TNNI3K: variants seen among roughly 807,000 people sequenced by gnomAD.
The protein encoded by TNNI3K is serine/threonine-protein kinase TNNI3K.
A neutral mutation model predicts 114.5 loss-of-function variants in TNNI3K; 140 were observed. That is an observed-to-expected ratio of 1.22 (90% CI 1.07 to 1.41). The LOEUF (loss-of-function observed/expected upper bound fraction) is 1.41. Among genes scored for constraint, TNNI3K ranks in the 40% most tolerant of loss-of-function variants. The pLI, the probability that TNNI3K is intolerant of heterozygous loss-of-function variation, is 0.00. For missense variants in TNNI3K, 1,125 were observed against 1,007.6 expected (o/e 1.12, Z -1.58); for synonymous variants, 347 against 347.5 (o/e 1.00, Z 0.02).
intron 4 of TNNI3K, among the ~76,000 whole-genome samples, chr1:74,262,035 T>C (rs1262124898): frequency 6.6e-6 from 1 of 152,108 alleles, no homozygotes; most frequent in African/African-American, 2.4e-5. Flanking sequence ...GCCTGAATCA[T>C]TGTATTAATA....
chr1:74,499,172 C>A (rs890902154), intron 23 of TNNI3K, among the ~76,000 whole-genome samples: 4 of 152,160 alleles, frequency 2.6e-5, no homozygotes, highest in Admixed American at 2.6e-4. Flanking sequence ...CTTTACTTTT[C>A]CTGCAAATGG....
intron 7 of TNNI3K, among the ~76,000 whole-genome samples, chr1:74,339,138 C>T (rs1660627196): frequency 6.6e-6 from 1 of 152,122 alleles, no homozygotes; most frequent in Admixed American, 6.6e-5. Flanking sequence ...ATGTCTCTTT[C>T]AGTGCAAAAG....
chr1:74,474,159 A>G (rs1405263194), intron 21 of TNNI3K, among the ~76,000 whole-genome samples: 2 of 152,186 alleles, frequency 1.3e-5, no homozygotes, highest in African/African-American at 4.8e-5. Context: ...CATCCCCTTC[A>G]GTTATAGGAG....
At chr1:74,366,567 A>C (rs1662283472) in intron 11 of TNNI3K, 4 of 151,986 alleles carry the variant, frequency 2.6e-5, no homozygotes, top group Admixed American at 2.6e-4. Flanking sequence ...AAATGGGAAG[A>C]GTAGAGAAGG....
rs559528058 is a variant in TNNI3K, at chr1:74,533,192, C to G, written c.2352-7042C>G. ...CTGACAAAGGGCTAATATCCAGAATCTACAATGAACTCAAATTTACAAGAA... is the reference window on the plus strand; with the variant it reads ...CTGACAAAGGGCTAATATCCAGAATGTACAATGAACTCAAATTTACAAGAA... On this transcript the variant is annotated intron_variant, in intron 23 of 24. Coordinates refer to ENST00000326637, the MANE Select transcript of TNNI3K (RefSeq NM_015978.3). Among the ~76,000 whole-genome samples the G allele has an allele frequency of 7.2e-5, 11 of 152,284 alleles. No individual in the cohort carries two copies. In the South Asian group the frequency reaches 2.3e-3, roughly 32 times the overall value.
At chr1:74,430,268 A>T (rs916961503) in intron 17 of TNNI3K, among the ~76,000 whole-genome samples, 3 of 152,126 alleles carry the variant, frequency 2.0e-5, no homozygotes, top group Non-Finnish European at 2.9e-5. Context: ...CGAGCACTTT[A>T]GGTAAATTTT....
intron 11 of TNNI3K, among the ~76,000 whole-genome samples, chr1:74,357,254 A>G (rs955566578): frequency 6.6e-6 from 1 of 152,124 alleles, no homozygotes; most frequent in Non-Finnish European, 1.5e-5. Context: ...TTTACCATGT[A>G]CCCTATCCTA....
In TNNI3K at chr1:74,388,164, G is replaced by A. The variant is rs1435537210; in HGVS notation, c.1772+17772G>A. Among the ~76,000 whole-genome samples the A allele has an allele frequency of 1.6e-4, 24 of 152,062 alleles. 1 individual carries two copies. Among genetic ancestry groups the A allele is most frequent in the Admixed American group, 1.6e-3 (24 of 15,266 alleles). ...GTGGTGGCGCGTGCCTGTAGTCCCA[G>A]CTACTCAGGAGGCTGAGGCAGAAGA... On this transcript the variant is annotated intron_variant, in intron 17 of 24. Coordinates refer to ENST00000326637, the MANE Select transcript of TNNI3K (RefSeq NM_015978.3).
At chr1:74,419,063 G>A (rs76096304) in intron 17 of TNNI3K, among the ~76,000 whole-genome samples, 2,123 of 152,104 alleles carry the variant, frequency 0.014, 18 homozygotes, top group Non-Finnish European at 0.022. Context: ...AAAGTTGGTG[G>A]CTTAAAACAA....
At chr1:74,405,666 G>T (rs1268310170) in intron 17 of TNNI3K, among the ~76,000 whole-genome samples, 1 of 152,146 alleles carries the variant, frequency 6.6e-6, no homozygotes, top group African/African-American at 2.4e-5. Context: ...AAAGAGGCTA[G>T]TTAGATGGGG....
chr1:74,283,956 C>T (rs1034344426), intron 5 of TNNI3K, among the ~76,000 whole-genome samples: 3 of 152,140 alleles, frequency 2.0e-5, no homozygotes, highest in African/African-American at 7.2e-5. Context: ...GCACACCATA[C>T]TCCTTACAAG....
chr1:74,363,146 C>A (rs1527685), intron 11 of TNNI3K, among the ~76,000 whole-genome samples: 151,759 of 152,162 alleles, frequency 1, 75,680 homozygotes, highest in Non-Finnish European at 1. Context: ...TGGCTTAACA[C>A]GTCCATTTAG....
intron 17 of TNNI3K, among the ~76,000 whole-genome samples, chr1:74,419,840 A>ACACATCTCTG (rs952471395): frequency 6.6e-6 from 1 of 152,130 alleles, no homozygotes; most frequent in Non-Finnish European, 1.5e-5. Context: ...TGCATTAAAC[A>ACACATCTCTG]CACATCTCTG....
chr1:74,536,859 A>G (rs1646666326), intron 23 of TNNI3K, among the ~76,000 whole-genome samples: 1 of 152,104 alleles, frequency 6.6e-6, no homozygotes, highest in Non-Finnish European at 1.5e-5. Flanking sequence ...GCATCACTGT[A>G]TTTTCACTGA....
intron 17 of TNNI3K, among the ~76,000 whole-genome samples, chr1:74,392,660 T>C (rs1050273210): frequency 6.6e-6 from 1 of 152,206 alleles, no homozygotes; most frequent in Admixed American, 6.5e-5. Flanking sequence ...CTTCCTGTTT[T>C]CCACACTCTT....
intron 23 of TNNI3K, among the ~76,000 whole-genome samples, chr1:74,506,246 T>C (rs1669894903): frequency 6.6e-6 from 1 of 152,348 alleles, no homozygotes; most frequent in East Asian, 1.9e-4. Context: ...TAGACGCTAT[T>C]GTGCATTTTT....
At chr1:74,256,283 CTTTTTTTTTTTT>C (rs61636791) in intron 4 of TNNI3K, among the ~76,000 whole-genome samples, 78 of 42,812 alleles carry the variant, frequency 1.8e-3, no homozygotes, top group Middle Eastern at 0.018. Context: ...TGTGGTCAGT[CTTTTTTTTTTTT>C]TTTTTTTTTT....
chr1:74,238,202 G>C (rs955594678), intron 2 of TNNI3K, among the ~76,000 whole-genome samples: 4 of 152,034 alleles, frequency 2.6e-5, no homozygotes, highest in Non-Finnish European at 5.9e-5. Context: ...GAGTAAGAAA[G>C]CTATGTGAAT....
intron 17 of TNNI3K, among the ~76,000 whole-genome samples, chr1:74,428,135 G>C (rs1467219094): frequency 6.6e-6 from 1 of 151,988 alleles, no homozygotes; most frequent in Non-Finnish European, 1.5e-5. Flanking sequence ...GCATTTATTG[G>C]AGTTTTCAGT....
Sources: gnomAD v4.1 joint callset for allele counts (sites outside exome capture counted in the v4.1 genomes callset) on GRCh38, gnomAD v4.1.1 for gene constraint, MANE v1.5 for transcripts, NCBI Gene and HGNC (gene_info 2026-07-23, HGNC 2026-07-21) for gene names.